Variants in RBMS1 observed in about 807,000 individuals in gnomAD.
RBMS1 encodes the protein RNA binding motif single stranded interacting protein 1.
Under a neutral mutation model 62.3 loss-of-function variants are expected in RBMS1, and 17 were observed. That is an observed-to-expected ratio of 0.27 (90% CI 0.19 to 0.41). The LOEUF is 0.41. Ranked by LOEUF, RBMS1 falls within the 10% of genes least tolerant of loss-of-function variation. The probability of loss-of-function intolerance (pLI) is 1.00; values close to 1 mark genes in which losing one functional copy is unlikely to be tolerated. For synonymous variants in RBMS1, 172 were observed against 170.0 expected, an observed-to-expected ratio of 1.01 and a Z score of -0.09; for missense variants, 334 against 504.5, an observed-to-expected ratio of 0.66 and a Z score of 3.24.
chr2:160,289,488 T>A (rs1688570653), intron 6 of RBMS1, among the ~76,000 whole-genome samples: 1 of 152,192 alleles, frequency 6.6e-6, no homozygotes, highest in Non-Finnish European at 1.5e-5. Flanking sequence ...AATATAAAAT[T>A]CTAACAGCTT....
chr2:160,389,218 T>C (rs1559488932), intron 1 of RBMS1, among the ~76,000 whole-genome samples: 1 of 152,176 alleles, frequency 6.6e-6, no homozygotes, highest in Non-Finnish European at 1.5e-5. Flanking sequence ...AGCAAATCCA[T>C]GTTTTAAATG....
At chr2:160,313,269 A>G (rs1222267053) in intron 3 of RBMS1, 22 bp from the exon 4 acceptor site, 1 of 1,606,920 alleles carries the variant, frequency 6.2e-7, no homozygotes. Flanking sequence ...AAACACACTT[A>G]GTATTTAAGC....
At chr2:160,387,235 C>T (rs1453397338) in intron 1 of RBMS1, among the ~76,000 whole-genome samples, 2 of 151,760 alleles carry the variant, frequency 1.3e-5, no homozygotes, top group African/African-American at 4.8e-5. Flanking sequence ...GCTGGGGATG[C>T]GGTGATGCTA....
At chr2:160,282,156 C>G (rs1688133420) in intron 9 of RBMS1, 1 of 1,117,424 alleles carries the variant, frequency 8.9e-7, no homozygotes, top group African/African-American at 1.6e-5. Context: ...CAATTCTTAA[C>G]AACAAAACCC....
At chr2:160,373,705 A>G (rs1693852789) in intron 1 of RBMS1, among the ~76,000 whole-genome samples, 2 of 152,232 alleles carry the variant, frequency 1.3e-5, no homozygotes, top group Non-Finnish European at 2.9e-5. Context: ...CTAGAGGGCC[A>G]AAAGAGAAAG....
At chr2:160,407,806 G>A (rs1695837412) in intron 1 of RBMS1, 5 of 981,234 alleles carry the variant, frequency 5.1e-6, no homozygotes, top group Non-Finnish European at 6.0e-6. Flanking sequence ...ATGGACGGGA[G>A]TTCGCGCGCG....
intron 2 of RBMS1, among the ~76,000 whole-genome samples, chr2:160,337,195 A>G (rs1417529883): frequency 1.4e-5 from 2 of 144,786 alleles, no homozygotes; most frequent in Non-Finnish European, 3.0e-5. Context: ...GTGCAATGGC[A>G]TGATCTCAGC....
At chr2:160,438,898 C>A (rs563464745) in intron 1 of RBMS1, among the ~76,000 whole-genome samples, 3 of 150,560 alleles carry the variant, frequency 2.0e-5, no homozygotes, top group South Asian at 4.2e-4. Context: ...GCTGACTCCC[C>A]CCACCTCCCT....
chr2:160,381,773 C>T (rs943318748), intron 1 of RBMS1, among the ~76,000 whole-genome samples: 1 of 152,192 alleles, frequency 6.6e-6, no homozygotes, highest in Non-Finnish European at 1.5e-5. Flanking sequence ...TCCAATAAAA[C>T]ATAACCAAAA....
chr2:160,319,690 A>C (rs534314349), intron 2 of RBMS1, among the ~76,000 whole-genome samples: 197 of 152,346 alleles, frequency 1.3e-3, no homozygotes, highest in Non-Finnish European at 2.4e-3. Context: ...GACAAAAAGC[A>C]TATTAAAATT....
At chr2:160,338,919 G>A (rs571200050) in intron 2 of RBMS1, among the ~76,000 whole-genome samples, 1 of 152,312 alleles carries the variant, frequency 6.6e-6, no homozygotes, top group South Asian at 2.1e-4. Flanking sequence ...TGGCCAAGGA[G>A]CTTTACATAT....
chr2:160,486,533 G>A (rs564994152), intron 1 of RBMS1, among the ~76,000 whole-genome samples: 7 of 152,262 alleles, frequency 4.6e-5, no homozygotes, highest in African/African-American at 1.7e-4. Context: ...CTGGGACCCA[G>A]CAGCCCAACT....
intron 2 of RBMS1, among the ~76,000 whole-genome samples, chr2:160,321,296 TC>T (rs1488464048): frequency 6.6e-6 from 1 of 152,148 alleles, no homozygotes; most frequent in African/African-American, 2.4e-5. Context: ...CCCATCTCAT[TC>T]CATCTTTCAC....
At chr2:160,484,982 G>A (rs966764569) in intron 1 of RBMS1, among the ~76,000 whole-genome samples, 2 of 152,148 alleles carry the variant, frequency 1.3e-5, no homozygotes, top group African/African-American at 4.8e-5. Flanking sequence ...CTGGTTGCCA[G>A]CCTCAAGAGA....
At chr2:160,415,279 A>T (rs1005419916) in intron 1 of RBMS1, among the ~76,000 whole-genome samples, 1 of 152,180 alleles carries the variant, frequency 6.6e-6, no homozygotes, top group Non-Finnish European at 1.5e-5. Context: ...TAATCTCTGA[A>T]ATTACAGTAG....
chr2:160,304,720 A>G (rs1446738023), intron 4 of RBMS1, among the ~76,000 whole-genome samples: 1 of 152,260 alleles, frequency 6.6e-6, no homozygotes, highest in Non-Finnish European at 1.5e-5. Context: ...ATAAATGTAT[A>G]AAGAAAATAC....
At chr2:160,353,456 G>A (rs1043267944) in intron 2 of RBMS1, among the ~76,000 whole-genome samples, 1 of 152,060 alleles carries the variant, frequency 6.6e-6, no homozygotes. Flanking sequence ...AAGTTGGGAA[G>A]CTCTGTGATG....
chr2:160,420,928 T>G (rs1301916340), intron 1 of RBMS1, among the ~76,000 whole-genome samples: 3 of 152,158 alleles, frequency 2.0e-5, no homozygotes, highest in Admixed American at 1.3e-4. Context: ...TTATCTTGGG[T>G]GAGCATTTAT....
At chr2:160,307,072 T>G (rs193019504) in intron 4 of RBMS1, among the ~76,000 whole-genome samples, 1 of 152,038 alleles carries the variant, frequency 6.6e-6, no homozygotes, top group Non-Finnish European at 1.5e-5. Flanking sequence ...GCTACTAACG[T>G]TCACGTGAGT....
Sources: allele counts gnomAD v4.1 joint callset (sites outside exome capture counted in the v4.1 genomes callset), GRCh38; gene constraint gnomAD v4.1.1; transcripts MANE v1.5; gene names NCBI Gene and HGNC (gene_info 2026-07-23, HGNC 2026-07-21).